RASEF: variants seen among roughly 807,000 people sequenced by gnomAD.
The protein encoded by RASEF is RAS and EF-hand domain containing.
A neutral mutation model predicts 90.1 loss-of-function variants in RASEF; 68 were observed. The observed-to-expected ratio is 0.75, with a 90% confidence interval of 0.62 to 0.92. RASEF has a LOEUF of 0.92. Among genes scored for constraint, RASEF ranks in the 40% least tolerant of loss-of-function variants. RASEF has a pLI of 0.00. For synonymous variants in RASEF, 331 were observed against 345.2 expected, an observed-to-expected ratio of 0.96 and a Z score of 0.46; for missense variants, 949 against 937.2, an observed-to-expected ratio of 1.01 and a Z score of -0.16.
At position 83,022,514 on chromosome 9, in the gene RASEF, T is replaced by C. The variant is rs573821697; in HGVS notation, c.579-88A>G. 129 of 908,508 alleles carry C rather than the reference T, an allele frequency of 1.4e-4. No individual in the cohort carries two copies. In the African/African-American group the frequency reaches 1.7e-3, roughly 12 times the overall value. The allele number at this position is 908,508 out of a possible 1,614,324, so 56.3% of individuals were successfully genotyped here. On this transcript the variant is annotated intron_variant, in intron 2 of 16. Coordinates refer to ENST00000376447, the MANE Select transcript of RASEF (RefSeq NM_152573.4). ...CTTCAGATTCATCTACGTTAAGCCC[T>C]ATATATTACAGATGAAGAGAAACAC... is the stretch of plus-strand genomic sequence containing the variant.
chr9:82,994,641 G>A (rs1451757220), intron 14 of RASEF, among the ~76,000 whole-genome samples: 1 of 152,086 alleles, frequency 6.6e-6, no homozygotes. Context: ...CAGGAACCGG[G>A]CAGATCCTCA....
At chr9:83,068,371 G>A in the RASEF span, among the ~76,000 whole-genome samples, 9 of 152,322 alleles carry the variant, frequency 5.9e-5, no homozygotes, top group South Asian at 4.1e-4. Flanking sequence ...AATCACTCCT[G>A]TGATTACATT....
At chr9:83,135,019 A>G in the RASEF span, among the ~76,000 whole-genome samples, 3 of 152,174 alleles carry the variant, frequency 2.0e-5, no homozygotes, top group African/African-American at 7.2e-5. Flanking sequence ...TTTCACTTAC[A>G]TGAAACATCC....
intron 1 of RASEF, chr9:83,049,339 C>A (rs1288338580): frequency 1.0e-6 from 1 of 985,158 alleles, no homozygotes; most frequent in Non-Finnish European, 1.2e-6. Context: ...GTTTTCCAAG[C>A]TACATCTCCA....
chr9:82,982,799 GAGAGAC>G lies in RASEF; in HGVS notation c.2118-23_2118-18del, dbSNP rs757747695. On this transcript the variant is annotated intron_variant, in intron 16 of 16. Transcript: ENST00000376447. The stretch of plus-strand genomic sequence containing the variant: ...TTCACTTCTCTGAGACAGAGATAGA[GAGAGAC>G]AGAGAGAGAGAGAGAGAGAGAGAGA... 30 of 1,229,716 alleles carry G rather than the reference GAGAGAC, an allele frequency of 2.4e-5. No homozygotes were observed. In the African/African-American group the frequency reaches 3.8e-4, roughly 15 times the overall value. The allele number at this position is 1,229,716 out of a possible 1,614,324, so 76.2% of individuals were successfully genotyped here.
the RASEF span, among the ~76,000 whole-genome samples, chr9:83,206,821 G>C: frequency 6.6e-6 from 1 of 152,104 alleles, no homozygotes; most frequent in African/African-American, 2.4e-5. Flanking sequence ...TTGCCTTCAG[G>C]CTTCCAGAAG....
chr9:83,197,331 A>G, the RASEF span, among the ~76,000 whole-genome samples: 1 of 152,324 alleles, frequency 6.6e-6, no homozygotes, highest in African/African-American at 2.4e-5. Flanking sequence ...AGAGGATATT[A>G]TAATGCTCTT....
the RASEF span, among the ~76,000 whole-genome samples, chr9:83,192,794 C>T: frequency 6.6e-6 from 1 of 151,380 alleles, no homozygotes; most frequent in African/African-American, 2.4e-5. Context: ...ATAAAGATTG[C>T]TCACTACATC....
chr9:83,048,427 T>G (rs1399972713), intron 1 of RASEF: 1 of 985,282 alleles, frequency 1.0e-6, no homozygotes. Context: ...ACTGATGTCA[T>G]CACCTTCTGA....
chr9:83,042,082 A>C (rs1191119954), intron 1 of RASEF, among the ~76,000 whole-genome samples: 2 of 152,098 alleles, frequency 1.3e-5, no homozygotes, highest in African/African-American at 4.8e-5. Context: ...TTTATCCCAA[A>C]CCTTTAACAT....
chr9:83,016,038 C>T, intron 3 of RASEF, 138 bp from the exon 4 acceptor site: 2 of 641,854 alleles, frequency 3.1e-6, no homozygotes, highest in South Asian at 1.9e-5. Flanking sequence ...GAAAGGATAT[C>T]AGAAGGAAAC....
rs1355163783 is a variant in RASEF, at chr9:82,992,983, T to C, written c.1963A>G (p.Lys655Glu). ...ETVPIMLVGN[K>E]ADIRDTAATE... ...GCAGCAGTGTCACGAATGTCAGCCT[T>C]GTTTCCTACCAGCATAATGGGAACA... The change falls in exon 15 of 17, where the codon AAG becomes GAG. Residue 655 changes from lysine (K) to glutamate (E), a missense_variant. By Grantham distance (56) the Lys-to-Glu change is moderately conservative. Coordinates refer to ENST00000376447, the MANE Select transcript of RASEF (RefSeq NM_152573.4). 6.2e-7 allele frequency: 1 copy of C among 1,613,890 alleles called. No individual in the cohort carries two copies. Among genetic ancestry groups the C allele is most frequent in the Non-Finnish European group, 8.5e-7 (1 of 1,179,970 alleles).
chr9:83,075,965 T>A, the RASEF span, among the ~76,000 whole-genome samples: 11 of 152,008 alleles, frequency 7.2e-5, no homozygotes, highest in East Asian at 1.2e-3. Flanking sequence ...GTCAGGAGAT[T>A]GAGACCAGCC....
the RASEF span, among the ~76,000 whole-genome samples, chr9:83,204,896 C>G: frequency 6.6e-6 from 1 of 152,214 alleles, no homozygotes; most frequent in Non-Finnish European, 1.5e-5. Flanking sequence ...ATTCTCAAAG[C>G]TCTTCCATAC....
intron 1 of RASEF, among the ~76,000 whole-genome samples, chr9:83,026,165 G>A (rs553505571): frequency 6.6e-6 from 1 of 152,248 alleles, no homozygotes; most frequent in African/African-American, 2.4e-5. Flanking sequence ...GAAGGATTTT[G>A]TTGTTGTTCC....
the RASEF span, among the ~76,000 whole-genome samples, chr9:83,134,409 C>CACACAT: frequency 2.6e-5 from 1 of 38,880 alleles, no homozygotes; most frequent in African/African-American, 1.5e-4. Flanking sequence ...ATCACAATAG[C>CACACAT]GCACACACAC....
At chr9:83,001,598 AC>A (rs902835198) in intron 9 of RASEF, among the ~76,000 whole-genome samples, 4 of 152,242 alleles carry the variant, frequency 2.6e-5, no homozygotes, top group African/African-American at 4.8e-5. Flanking sequence ...CAGACTCAAG[AC>A]CCTCAGAGCT....
the RASEF span, among the ~76,000 whole-genome samples, chr9:83,139,230 A>G: frequency 6.6e-6 from 1 of 152,208 alleles, no homozygotes; most frequent in South Asian, 2.1e-4. Context: ...GAAGCACTGT[A>G]CATAAAAATT....
At chr9:83,030,362 A>G (rs980202726) in intron 1 of RASEF, among the ~76,000 whole-genome samples, 1 of 152,106 alleles carries the variant, frequency 6.6e-6, no homozygotes, top group African/African-American at 2.4e-5. Context: ...GTCACAAAAA[A>G]AAAAAAAAGA....
Sources: gnomAD v4.1 joint callset for allele counts (sites outside exome capture counted in the v4.1 genomes callset) on GRCh38, gnomAD v4.1.1 for gene constraint, MANE v1.5 for transcripts, NCBI Gene and HGNC (gene_info 2026-07-23, HGNC 2026-07-21) for gene names.